The following RCSD1 variants were observed in gnomAD, a reference collection of about 807,000 sequenced individuals.
RCSD1 encodes RCSD domain containing 1.
RCSD1 carries 26 observed loss-of-function variants against 42.5 expected under a neutral mutation model. The observed-to-expected ratio is 0.61, with a 90% CI of 0.45 to 0.85. The LOEUF (loss-of-function observed/expected upper bound fraction) is 0.85. Among genes scored for constraint, RCSD1 ranks in the 40% least tolerant of loss-of-function variants. The pLI is 0.00. For synonymous variants in RCSD1, 220 were observed against 212.2 expected (o/e 1.04, Z -0.32); for missense variants, 571 against 528.3 (o/e 1.08, Z -0.79).
intron 3 of RCSD1, among the ~76,000 whole-genome samples, chr1:167,687,744 A>C: frequency 6.6e-6 from 1 of 152,192 alleles, no homozygotes; most frequent in African/African-American, 2.4e-5. Context: ...GGGTCATTTC[A>C]TCCCTGCCCC....
chr1:167,665,194 T>C (rs966859071), intron 1 of RCSD1, among the ~76,000 whole-genome samples: 1 of 152,222 alleles, frequency 6.6e-6, no homozygotes, highest in Non-Finnish European at 1.5e-5. Flanking sequence ...TTTTAAAGAA[T>C]GTTATGTAAA....
At chr1:167,644,485 AT>A in intron 1 of RCSD1, among the ~76,000 whole-genome samples, 1 of 72,762 alleles carries the variant, frequency 1.4e-5, no homozygotes, top group Admixed American at 1.4e-4. Context: ...GTCTCAAAAA[AT>A]AAATACATAC....
At chr1:167,668,237 A>G (rs1176967270) in intron 1 of RCSD1, among the ~76,000 whole-genome samples, 1 of 151,598 alleles carries the variant, frequency 6.6e-6, no homozygotes, top group Non-Finnish European at 1.5e-5. Context: ...GTAAGCTGAG[A>G]TTGCACCAAT....
At chr1:167,630,811 G>A (rs982799713) in intron 1 of RCSD1, 2 of 177,080 alleles carry the variant, frequency 1.1e-5, no homozygotes, top group Non-Finnish European at 2.2e-5. Flanking sequence ...CTGCAAGAAG[G>A]CAGAAGCCCT....
At chr1:167,676,743 C>G (rs890142709) in intron 1 of RCSD1, among the ~76,000 whole-genome samples, 1 of 152,194 alleles carries the variant, frequency 6.6e-6, no homozygotes, top group Non-Finnish European at 1.5e-5. Context: ...AACCCACAGA[C>G]CCCCACCTGG....
At position 167,694,261 on chromosome 1, in the gene RCSD1, G is replaced by C. The variant is rs145248380; in HGVS notation, c.433G>C (p.Asp145His). The C allele has an allele frequency of 1.9e-6, 3 of 1,614,162 alleles. No individual in the cohort carries two copies. Among genetic ancestry groups the C allele is most frequent in the Middle Eastern group, 1.6e-4 (1 of 6,062 alleles). Residue 145 changes from aspartate to histidine, a missense_variant, in exon 5 of 7, where the codon GAC (aspartate) becomes CAC (histidine). Coordinates refer to ENST00000367854, the MANE Select transcript of RCSD1 (RefSeq NM_052862.4). ...SEAEEVPVSFDQPPEGSHLPC... is the reference protein window; with the variant it reads ...SEAEEVPVSFHQPPEGSHLPC... ...GGCAGAGGAGGTGCCTGTCAGCTTC[G>C]ACCAGCCCCCTGAAGGCAGTCATCT... is the stretch of plus-strand genomic sequence containing the variant.
chr1:167,674,932 T>C (rs529733851), intron 1 of RCSD1, among the ~76,000 whole-genome samples: 57 of 152,006 alleles, frequency 3.7e-4, no homozygotes, highest in African/African-American at 1.1e-3. Flanking sequence ...TCCAGCCGGG[T>C]GCGGTGGCTC....
chr1:167,654,448 G>T (rs1485140290), intron 1 of RCSD1, among the ~76,000 whole-genome samples: 2 of 152,150 alleles, frequency 1.3e-5, no homozygotes. Flanking sequence ...TTATGTAAGG[G>T]CAGGATTTAC....
intron 4 of RCSD1, 99 bp from the exon 5 acceptor site, chr1:167,694,000 A>T: frequency 1.8e-6 from 2 of 1,098,540 alleles, no homozygotes; most frequent in Non-Finnish European, 2.7e-6. Context: ...GGTGTTACCT[A>T]GTCTCAACCA....
chr1:167,630,728 A>AAAAAAG (rs1657676793), intron 1 of RCSD1: 1 of 224,086 alleles, frequency 4.5e-6, no homozygotes, highest in African/African-American at 3.6e-5. Context: ...TGCTAAAAAA[A>AAAAAAG]AAAAAAAAAA....
intron 6 of RCSD1, among the ~76,000 whole-genome samples, chr1:167,702,002 C>CCAAGATAGAGGGAA (rs1659656730): frequency 6.6e-6 from 1 of 152,202 alleles, no homozygotes; most frequent in Non-Finnish European, 1.5e-5. Context: ...CCATCTTGTT[C>CCAAGATAGAGGGAA]CTCTGTCGGT....
chr1:167,704,336 A>G (rs1659708882), intron 6 of RCSD1, among the ~76,000 whole-genome samples: 1 of 152,108 alleles, frequency 6.6e-6, no homozygotes, highest in Admixed American at 6.5e-5. Flanking sequence ...TTAGTACTGG[A>G]CAACTCAAGC....
chr1:167,645,371 A>G (rs558247611), intron 1 of RCSD1, among the ~76,000 whole-genome samples: 8 of 152,198 alleles, frequency 5.3e-5, no homozygotes, highest in South Asian at 2.1e-4. Context: ...TCCTGGAGGG[A>G]GTAAAATATA....
At chr1:167,690,838 G>A (rs749050259) in intron 4 of RCSD1, among the ~76,000 whole-genome samples, 3 of 152,102 alleles carry the variant, frequency 2.0e-5, no homozygotes, top group Non-Finnish European at 2.9e-5. Context: ...CACCAGTCTG[G>A]ACAAATTTGT....
chr1:167,690,259 A>G, intron 4 of RCSD1, 139 bp downstream of exon 4: 3 of 709,638 alleles, frequency 4.2e-6, no homozygotes, highest in South Asian at 3.5e-5. Context: ...CAGTGATCAA[A>G]TTGCAGTAAA....
At chr1:167,658,694 G>T (rs1246885528) in intron 1 of RCSD1, among the ~76,000 whole-genome samples, 1 of 152,048 alleles carries the variant, frequency 6.6e-6, no homozygotes, top group Admixed American at 6.6e-5. Flanking sequence ...GCCTCCCAAA[G>T]TGCTGGGATT....
intron 4 of RCSD1, 65 bp downstream of exon 4, chr1:167,690,185 C>A: frequency 6.5e-7 from 1 of 1,527,266 alleles, no homozygotes; most frequent in Non-Finnish European, 9.1e-7. Context: ...CCAAAATTTG[C>A]ATGACTTTGA....
intron 1 of RCSD1, among the ~76,000 whole-genome samples, chr1:167,668,152 T>C (rs1329765807): frequency 6.6e-6 from 1 of 151,802 alleles, no homozygotes; most frequent in Non-Finnish European, 1.5e-5. Flanking sequence ...ATTAGCTGAG[T>C]GTGGCACCTG....
intron 1 of RCSD1, among the ~76,000 whole-genome samples, chr1:167,683,593 G>T (rs969285553): frequency 6.6e-6 from 1 of 152,082 alleles, no homozygotes. Flanking sequence ...TTGCCGGTGG[G>T]GTCCTTGAGG....
Sources: allele counts gnomAD v4.1 joint callset (sites outside exome capture counted in the v4.1 genomes callset), GRCh38; gene constraint gnomAD v4.1.1; transcripts MANE v1.5; gene names NCBI Gene and HGNC (gene_info 2026-07-23, HGNC 2026-07-21).